Variants in TTN observed in about 807,000 individuals in gnomAD.
TTN encodes connectin.
TTN carries 1,525 observed loss-of-function variants against 3,223.0 expected under a neutral mutation model. The observed-to-expected ratio is 0.47, with a 90% CI of 0.45 to 0.49. TTN has a LOEUF of 0.49. Among genes scored for constraint, TTN ranks in the 20% least tolerant of loss-of-function variants. The pLI is 0.00. For synonymous variants in TTN, 14,094 were observed against 15,161.0 expected, an observed-to-expected ratio of 0.93 and a Z score of 5.17; for missense variants, 40,786 against 43,424.0, an observed-to-expected ratio of 0.94 and a Z score of 5.40.
Position 178,533,184 on chromosome 2 carries a change from A to G in TTN, c.103431T>C (p.Ile34477=). Residue 34477 remains isoleucine (I), a synonymous_variant, in exon 358 of 363, where the codon ATT becomes ATC. Coordinates refer to ENST00000589042, the MANE Select transcript of TTN (RefSeq NM_001267550.2). Reference sequence around the variant, plus strand: ...TTTCAGCCATTCTGAGGGTTTTGTCAATTTGTTTTTGTACGTGTCGCTCAT... The same window carrying G: ...TTTCAGCCATTCTGAGGGTTTTGTCGATTTGTTTTTGTACGTGTCGCTCAT... The part of the protein sequence containing the change: ...EEHERHVQKQ[I]DKTLRMAEIL... 1 of 1,613,784 alleles carries G rather than the reference A, an allele frequency of 6.2e-7. No individual in the cohort carries two copies. The highest frequency in any genetic ancestry group is 8.5e-7 in the Non-Finnish European group (1 of 1,179,830).
rs786205373 is a variant in TTN at position 178,559,392 on chromosome 2, T to C, written c.86740A>G (p.Ile28914Val). The C allele has an allele frequency of 1.9e-6, 3 of 1,613,736 alleles. No individual in the cohort carries two copies. Among genetic ancestry groups the C allele is most frequent in the Non-Finnish European group, 2.5e-6 (3 of 1,179,672 alleles). ...YKVTNLQEGA[I>V]YYFRVSGENE... ...TCTCCAGAGACTCTGAAGTAATAGA[T>C]AGCTCCTTCTTGTAAATTGGTAACT... Residue 28914 changes from isoleucine to valine, a missense_variant, in exon 326 of 363, where the codon ATC becomes GTC. Coordinates refer to ENST00000589042, the MANE Select transcript of TTN (RefSeq NM_001267550.2).
chr2:178,764,839 A>G, intron 41 of TTN, 28 bp from the exon 42 acceptor site: 1 of 1,611,570 alleles, frequency 6.2e-7, no homozygotes, highest in Non-Finnish European at 8.5e-7. Flanking sequence ...CAAATAGCCC[A>G]TGAAAAAGTG....
chr2:178,800,469 T>C lies in TTN; in HGVS notation c.509A>G (p.Asp170Gly). 1.2e-6 allele frequency: 2 copies of C among 1,614,078 alleles called. No homozygotes were observed. The highest frequency in any genetic ancestry group is 1.7e-6 in the Non-Finnish European group (2 of 1,179,984). ...SLLIAEAYPEDSGTYSVNATN... is the reference protein window; with the variant it reads ...SLLIAEAYPEGSGTYSVNATN... ...GGCATTTACTGAATAGGTCCCTGAG[T>C]CCTCAGGGTATGCTTCTGCAATCAG... Residue 170 changes from aspartate to glycine, a missense_variant, in exon 4 of 363, where the codon GAC becomes GGC. Physicochemically the swap from Asp to Gly is moderately conservative, Grantham distance 94 (BLOSUM62 -1). Transcript: ENST00000589042.
At position 178,598,579 on chromosome 2, in the gene TTN, A is replaced by G. The variant is rs991075111; in HGVS notation, c.57038T>C (p.Leu19013Pro). Residue 19013 changes from leucine to proline, a missense_variant, in exon 292 of 363, where the codon CTA (leucine) becomes CCA (proline). Physicochemically the swap from Leu to Pro is moderately conservative, Grantham distance 98 (BLOSUM62 -3). Coordinates refer to ENST00000589042, the MANE Select transcript of TTN (RefSeq NM_001267550.2). Reference sequence around the variant, plus strand: ...AGTTACTTTGGATCCACCATCTTTTAGTGGGGGAGACCACTCCAGATCTGC... The same window carrying G: ...AGTTACTTTGGATCCACCATCTTTTGGTGGGGGAGACCACTCCAGATCTGC... ...SSADLEWSPP[L>P]KDGGSKVTGY... 5 of 1,608,502 alleles carry G rather than the reference A, an allele frequency of 3.1e-6. No homozygotes were observed. The highest frequency in any genetic ancestry group is 4.2e-6 in the Non-Finnish European group (5 of 1,178,586).
At chr2:178,684,227 T>TCAACAACAA in intron 132 of TTN, 103 bp downstream of exon 132, 2 of 1,280,408 alleles carry the variant, frequency 1.6e-6, no homozygotes, top group East Asian at 2.5e-5. Context: ...AACAACAACA[T>TCAACAACAA]CAACAACAAC....
rs760549917 is a variant in TTN at position 178,723,562 on chromosome 2, C to T, written c.21538G>A (p.Gly7180Arg). Residue 7180 changes from glycine (G) to arginine (R), a missense_variant, in exon 74 of 363, where the codon GGA becomes AGA. By Grantham distance (125) the Gly-to-Arg change is moderately radical. Transcript: ENST00000589042. ...TCAAAATAGATGTTGCACCGGTCTC[C>T]TTTCACTAGTTCTCTGGCACCTCTG... Reference protein sequence around the residue: ...WFRGARELVKGDRCNIYFEDT... With the variant: ...WFRGARELVKRDRCNIYFEDT... The T allele has an allele frequency of 1.9e-5, 30 of 1,613,332 alleles. No individual in the cohort carries two copies. Among genetic ancestry groups the T allele is most frequent in the Non-Finnish European group, 2.5e-5 (29 of 1,179,606 alleles).
Position 178,770,316 on chromosome 2 carries a change from G to A in TTN, c.8385C>T (p.Val2795=). 6.2e-7 allele frequency: 1 copy of A among 1,614,120 alleles called. No homozygotes were observed. Among genetic ancestry groups the A allele is most frequent in the South Asian group, 1.1e-5 (1 of 91,086 alleles). Residue 2795 remains valine, a synonymous_variant, in exon 36 of 363, where the codon GTC becomes GTT. Coordinates refer to ENST00000589042, the MANE Select transcript of TTN (RefSeq NM_001267550.2). ...GASARLHVET[V]KIIKKPKDVT... is the part of the protein sequence containing the mutation. ...CATCCTTTGGCTTTTTAATGATCTTGACAGCTAAGAGGAAAATTGGAGCAA... is the reference window on the plus strand; with the variant it reads ...CATCCTTTGGCTTTTTAATGATCTTAACAGCTAAGAGGAAAATTGGAGCAA...
rs117828146 is a variant in TTN at position 178,793,051 on chromosome 2, C to T, written c.1536+353G>A. Among the ~76,000 whole-genome samples, 68 of 152,352 alleles carry T rather than the reference C, an allele frequency of 4.5e-4. 1 individual carries two copies. In the East Asian group the frequency reaches 0.012, roughly 27 times the overall value. ...AAGCAAAGTGAGTTCAGTGTCTCCTCCACTTTTCCCCATTCCTGCCTCAGC... is the reference window on the plus strand; with the variant it reads ...AAGCAAAGTGAGTTCAGTGTCTCCTTCACTTTTCCCCATTCCTGCCTCAGC... On this transcript the variant is annotated intron_variant, in intron 9 of 362. Coordinates refer to ENST00000589042, the MANE Select transcript of TTN (RefSeq NM_001267550.2).
At position 178,664,645 on chromosome 2, in the gene TTN, A is replaced by G. The variant is rs2065569004; in HGVS notation, c.36202+9T>C. The G allele has an allele frequency of 6.2e-7, 1 of 1,612,072 alleles. No individual in the cohort carries two copies. Among genetic ancestry groups the G allele is most frequent in the Admixed American group, 1.7e-5 (1 of 59,864 alleles). ...GTTCCCACCCCTCTAAGCTTCCAGC[A>G]AGATATACCTTCATCAGGAAGGACT... On this transcript the variant is annotated intron_variant, in intron 167 of 362. Transcript: ENST00000589042.
Position 178,718,214 on chromosome 2 carries a change from C to T in TTN, c.24792G>A (p.Pro8264=), listed in dbSNP as rs767137418. The T allele has an allele frequency of 6.4e-5, 102 of 1,598,478 alleles. No individual in the cohort carries two copies. The highest frequency in any genetic ancestry group is 2.1e-4 in the African/African-American group (16 of 74,570). ...CEALVSVLEP[P]YFIEPLEHVE... ...CATGTTCCAGAGGTTCAATAAAGTA[C>T]GGTGGTTCTATGGTACAAAGGATGG... is the stretch of plus-strand genomic sequence containing the variant. The change falls in exon 86 of 363, where the codon CCG becomes CCA. Residue 8264 remains proline, a synonymous_variant. Transcript: ENST00000589042.
chr2:178,757,980 T>C (rs2087822692), intron 44 of TTN, 64 bp from the exon 45 acceptor site: 2 of 1,477,744 alleles, frequency 1.4e-6, no homozygotes. Context: ...TCATTTGGAG[T>C]TGTCTACAGA....
At position 178,569,657 on chromosome 2, in the gene TTN, T is replaced by G. The variant is rs766094077; in HGVS notation, c.76475A>C (p.His25492Pro). ...TATAATAGGTCCAGGGACGTCAGCA[T>G]GTTCTCCAACTCCAGCTTTATTAAT... ...CAINKAGVGE[H>P]ADVPGPIIVE... Residue 25492 changes from histidine (H) to proline (P), a missense_variant, in exon 326 of 363, where the codon CAT (histidine) becomes CCT (proline). Transcript: ENST00000589042. 6.2e-7 allele frequency: 1 copy of G among 1,612,558 alleles called. No individual in the cohort carries two copies. Among genetic ancestry groups the G allele is most frequent in the Non-Finnish European group, 8.5e-7 (1 of 1,179,254 alleles).
At chr2:178,789,096 T>G (rs1351796236) in intron 13 of TTN, among the ~76,000 whole-genome samples, 1 of 152,104 alleles carries the variant, frequency 6.6e-6, no homozygotes, top group Non-Finnish European at 1.5e-5. Flanking sequence ...AATCAACTTC[T>G]GGAAGATTCC....
At chr2:178,754,703 G>A (rs1438694741) in intron 46 of TTN, among the ~76,000 whole-genome samples, 2 of 152,168 alleles carry the variant, frequency 1.3e-5, no homozygotes, top group African/African-American at 2.4e-5. Context: ...GCCAGCAGCT[G>A]TAGTGAAATT....
rs1289827097 is a variant in TTN, at chr2:178,712,004, T to G, written c.27826A>C (p.Ile9276Leu). 6.2e-7 allele frequency: 1 copy of G among 1,613,456 alleles called. No homozygotes were observed. Among genetic ancestry groups the G allele is most frequent in the African/African-American group, 1.3e-5 (1 of 74,928 alleles). ...CCCACGCTGTTTTCAGCTTTGCAGA[T>G]ATATTCTCCACTATCATTAATATCA... ...QVDINDSGEY[I>L]CKAENSVGEV... The change falls in exon 96 of 363, where the codon ATC (isoleucine) becomes CTC (leucine). Residue 9276 changes from isoleucine to leucine, a missense_variant. Physicochemically the swap from Ile to Leu is conservative, Grantham distance 5 (BLOSUM62 2). Transcript: ENST00000589042.
At chr2:178,628,359 T>G (rs1204605143) in intron 240 of TTN, among the ~76,000 whole-genome samples, 1 of 152,102 alleles carries the variant, frequency 6.6e-6, no homozygotes, top group African/African-American at 2.4e-5. Context: ...TATAGCACAT[T>G]TAATAGTATT....
Position 178,612,908 on chromosome 2 carries a change from C to T in TTN, c.49813G>A (p.Val16605Ile). 1.2e-6 allele frequency: 2 copies of T among 1,612,580 alleles called. No individual in the cohort carries two copies. Among genetic ancestry groups the T allele is most frequent in the Non-Finnish European group, 1.7e-6 (2 of 1,179,248 alleles). ...TDEWVRVAEG[V>I]PTTQHLLPGL... ...GGGAGCAAGTGCTGAGTGGTGGGAA[C>T]CCCTTCCGCCACTCTGACCCACTCA... The change falls in exon 265 of 363, where the codon GTT (valine) becomes ATT (isoleucine). Residue 16605 changes from valine (V) to isoleucine (I), a missense_variant. Coordinates refer to ENST00000589042, the MANE Select transcript of TTN (RefSeq NM_001267550.2).
At chr2:178,758,045 C>A (rs944322269) in intron 44 of TTN, 129 bp from the exon 45 acceptor site, 2 of 984,336 alleles carry the variant, frequency 2.0e-6, no homozygotes, top group Admixed American at 2.8e-5. Context: ...ACTGCCTTGT[C>A]CTTGTATGTC....
chr2:178,612,537 A>G lies in TTN; in HGVS notation c.49988T>C (p.Ile16663Thr), dbSNP rs774556838. 1.6e-5 allele frequency: 26 copies of G among 1,611,514 alleles called. No homozygotes were observed. The highest frequency in any genetic ancestry group is 2.2e-5 in the Non-Finnish European group (26 of 1,179,034). ...SPPRWLEVIN[I>T]TKNTADLKWT... ...TTTTAGGTCTGCTGTATTTTTTGTG[A>G]TATTAATAACTTCAAGCCAGCGTGG... The change falls in exon 266 of 363, where the codon ATC (isoleucine) becomes ACC (threonine). Residue 16663 changes from isoleucine (I) to threonine (T), a missense_variant. Transcript: ENST00000589042.
Sources: allele counts gnomAD v4.1 joint callset (sites outside exome capture counted in the v4.1 genomes callset), GRCh38; gene constraint gnomAD v4.1.1; transcripts MANE v1.5; gene names NCBI Gene and HGNC (gene_info 2026-07-23, HGNC 2026-07-21).